Variants in KCND2 observed in about 807,000 individuals in gnomAD.
KCND2 encodes the protein potassium voltage-gated channel subfamily D member 2.
In KCND2, 16 loss-of-function variants were observed where a neutral mutation model predicts 54.4. The ratio of observed to expected loss-of-function variants is 0.29; its 90% confidence interval spans 0.20 to 0.45. The LOEUF (loss-of-function observed/expected upper bound fraction) is 0.45, where lower values mean the gene tolerates loss of function less well. KCND2 is among the 20% of genes least tolerant of loss of function. The pLI, the probability that KCND2 is intolerant of heterozygous loss-of-function variation, is 1.00. For synonymous variants in KCND2, 317 were observed against 310.7 expected (o/e 1.02, Z -0.21); for missense variants, 486 against 824.2 (o/e 0.59, Z 5.02).
intron 1 of KCND2, among the ~76,000 whole-genome samples, chr7:120,690,656 A>G (rs570991011): frequency 7.9e-5 from 12 of 152,358 alleles, no homozygotes; most frequent in Non-Finnish European, 1.6e-4. Context: ...AATGCATTTT[A>G]GAGTCACAAA....
intron 1 of KCND2, among the ~76,000 whole-genome samples, chr7:120,626,673 A>G (rs568557989): frequency 6.6e-6 from 1 of 152,338 alleles, no homozygotes; most frequent in South Asian, 2.1e-4. Context: ...TCTGCATTGC[A>G]CATTAAGATG....
chr7:120,481,856 CA>C (rs1187236547), intron 1 of KCND2, among the ~76,000 whole-genome samples: 9 of 152,186 alleles, frequency 5.9e-5, no homozygotes, highest in Non-Finnish European at 1.2e-4. Flanking sequence ...ACCTAGATTT[CA>C]AAGGATGTCA....
chr7:120,549,451 C>T (rs1378311005), intron 1 of KCND2, among the ~76,000 whole-genome samples: 1 of 152,080 alleles, frequency 6.6e-6, no homozygotes, highest in Non-Finnish European at 1.5e-5. Context: ...ATAACACATT[C>T]CTGCCCAGAC....
At chr7:120,281,362 A>G (rs1799259354) in intron 1 of KCND2, among the ~76,000 whole-genome samples, 1 of 151,036 alleles carries the variant, frequency 6.6e-6, no homozygotes, top group Non-Finnish European at 1.5e-5. Context: ...ATATGTATGT[A>G]TAAGCATTGC....
intron 4 of KCND2, among the ~76,000 whole-genome samples, chr7:120,744,063 C>G (rs905002486): frequency 4.6e-5 from 7 of 152,100 alleles, no homozygotes; most frequent in Admixed American, 2.0e-4. Context: ...AGTTCAAGTC[C>G]AGCCTGACCA....
chr7:120,442,504 AGTG>A (rs1801958661), intron 1 of KCND2, among the ~76,000 whole-genome samples: 1 of 152,100 alleles, frequency 6.6e-6, no homozygotes, highest in African/African-American at 2.4e-5. Context: ...TGCAAAAGTA[AGTG>A]GTGACCTAAA....
At chr7:120,449,790 A>T (rs1032167033) in intron 1 of KCND2, among the ~76,000 whole-genome samples, 2 of 152,232 alleles carry the variant, frequency 1.3e-5, no homozygotes, top group East Asian at 3.8e-4. Flanking sequence ...ATCAAAGTAC[A>T]TAATGCTACA....
chr7:120,586,731 T>A (rs1792605370), intron 1 of KCND2, among the ~76,000 whole-genome samples: 1 of 152,168 alleles, frequency 6.6e-6, no homozygotes, highest in South Asian at 2.1e-4. Flanking sequence ...TTCTTCTCAT[T>A]TCCTACCAGT....
intron 1 of KCND2, among the ~76,000 whole-genome samples, chr7:120,508,234 A>G (rs971920646): frequency 1.3e-5 from 2 of 151,980 alleles, no homozygotes; most frequent in African/African-American, 4.8e-5. Flanking sequence ...TTTTATTATG[A>G]ATATCATGTT....
chr7:120,607,248 C>T (rs1792893265), intron 1 of KCND2, among the ~76,000 whole-genome samples: 1 of 151,786 alleles, frequency 6.6e-6, no homozygotes, highest in Non-Finnish European at 1.5e-5. Context: ...TGGGTGATTT[C>T]CAGACTTCTG....
At chr7:120,463,080 G>A (rs554971928) in intron 1 of KCND2, among the ~76,000 whole-genome samples, 1 of 152,180 alleles carries the variant, frequency 6.6e-6, no homozygotes, top group Admixed American at 6.5e-5. Context: ...GTTCTATAGA[G>A]ATTGGTGAAG....
intron 1 of KCND2, among the ~76,000 whole-genome samples, chr7:120,691,410 A>T (rs1015386021): frequency 2.6e-5 from 4 of 152,118 alleles, no homozygotes; most frequent in Admixed American, 6.6e-5. Context: ...AAGAGATTGG[A>T]CAGTAAATAT....
chr7:120,318,885 GAATAGGAAGATTAAACATAGC>G lies in KCND2; in HGVS notation c.1115+43156_1115+43176del, dbSNP rs1472719567. 9.2e-5 allele frequency among the ~76,000 whole-genome samples: 14 copies of G among 152,158 alleles called. No homozygotes were observed. The Middle Eastern group carries it at 0.01, about 111-fold the overall frequency. On this transcript the variant is annotated intron_variant, in intron 1 of 5. Coordinates refer to ENST00000331113, the MANE Select transcript of KCND2 (RefSeq NM_012281.3). ...ATAGAACATCATTCACTTGTTGGGT[GAATAGGAAGATTAAACATAGC>G]AATAGGAAGATTAAACAAACTAACC...
intron 1 of KCND2, among the ~76,000 whole-genome samples, chr7:120,703,262 A>T (rs1421247965): frequency 6.6e-6 from 1 of 152,066 alleles, no homozygotes; most frequent in Admixed American, 6.5e-5. Flanking sequence ...TCATAGCTGC[A>T]CCTACCCTTC....
intron 1 of KCND2, among the ~76,000 whole-genome samples, chr7:120,336,130 TAGTC>T (rs1244052078): frequency 2.6e-5 from 4 of 152,216 alleles, no homozygotes; most frequent in Admixed American, 1.3e-4. Context: ...TCACAGGAAT[TAGTC>T]GGAAGTAACC....
intron 1 of KCND2, among the ~76,000 whole-genome samples, chr7:120,486,546 A>T (rs1377849774): frequency 6.6e-6 from 1 of 152,094 alleles, no homozygotes; most frequent in Admixed American, 6.6e-5. Flanking sequence ...AAAAGTTTGA[A>T]TCACAAAGCC....
intron 1 of KCND2, among the ~76,000 whole-genome samples, chr7:120,713,306 C>T (rs1792564101): frequency 6.6e-6 from 1 of 152,130 alleles, no homozygotes; most frequent in African/African-American, 2.4e-5. Context: ...GTGTAATAAT[C>T]TCCATCACGA....
chr7:120,291,055 A>T (rs138496614), intron 1 of KCND2, among the ~76,000 whole-genome samples: 1 of 152,176 alleles, frequency 6.6e-6, no homozygotes, highest in East Asian at 1.9e-4. Flanking sequence ...TTCTGCTATG[A>T]ATGGATTTGA....
chr7:120,314,536 G>A (rs1799785096), intron 1 of KCND2, among the ~76,000 whole-genome samples: 1 of 152,038 alleles, frequency 6.6e-6, no homozygotes, highest in Non-Finnish European at 1.5e-5. Flanking sequence ...TTTATACCAT[G>A]TTACCATAAA....
Sources: allele counts gnomAD v4.1 joint callset (sites outside exome capture counted in the v4.1 genomes callset), GRCh38; gene constraint gnomAD v4.1.1; transcripts MANE v1.5; gene names NCBI Gene and HGNC (gene_info 2026-07-23, HGNC 2026-07-21).